The following SHROOM3 variants were observed in gnomAD, a reference collection of about 807,000 sequenced individuals.
The protein encoded by SHROOM3 is protein Shroom3.
A neutral mutation model predicts 138.6 loss-of-function variants in SHROOM3; 47 were observed. That is an observed-to-expected ratio of 0.34 (90% CI 0.27 to 0.43). The LOEUF is 0.43. Ranked by LOEUF, SHROOM3 falls within the 20% of genes least tolerant of loss-of-function variation. The pLI, the probability that SHROOM3 is intolerant of heterozygous loss-of-function variation, is 1.00. For missense variants in SHROOM3, 2,491 were observed against 2,596.5 expected (o/e 0.96, Z 0.88); for synonymous variants, 1,062 against 1,063.3 (o/e 1.00, Z 0.02).
At chr4:76,712,104 T>C (rs1244411033) in intron 3 of SHROOM3, among the ~76,000 whole-genome samples, 7 of 152,184 alleles carry the variant, frequency 4.6e-5, no homozygotes, top group Non-Finnish European at 8.8e-5. Context: ...CAGGGCCCGA[T>C]AGGCTAATCT....
chr4:76,605,334 C>T lies in SHROOM3; in HGVS notation c.323+49571C>T, dbSNP rs1046018708. 2.0e-5 allele frequency among the ~76,000 whole-genome samples: 3 copies of T among 152,170 alleles called. No homozygotes were observed. In the East Asian group the frequency reaches 5.8e-4, roughly 29 times the overall value. ...TGACATACAGCCCGGAAGAGGATTT[C>T]GAGGCACCATTTTATTGCATTCTAG... On this transcript the variant is annotated intron_variant, in intron 2 of 10. Coordinates refer to ENST00000296043, the MANE Select transcript of SHROOM3 (RefSeq NM_020859.4).
intron 2 of SHROOM3, among the ~76,000 whole-genome samples, chr4:76,703,164 T>A (rs1719950760): frequency 6.6e-6 from 1 of 152,062 alleles, no homozygotes; most frequent in South Asian, 2.1e-4. Flanking sequence ...CCTCCTGTAA[T>A]AAAACAAGCT....
At chr4:76,628,666 C>A (rs1477874877) in intron 2 of SHROOM3, among the ~76,000 whole-genome samples, 1 of 152,018 alleles carries the variant, frequency 6.6e-6, no homozygotes, top group Admixed American at 6.5e-5. Flanking sequence ...AAATGTTAAA[C>A]ATAACTATTT....
At chr4:76,531,996 G>A (rs1013836510) in intron 1 of SHROOM3, among the ~76,000 whole-genome samples, 1 of 149,890 alleles carries the variant, frequency 6.7e-6, no homozygotes, top group Non-Finnish European at 1.5e-5. Flanking sequence ...CCATGTTGGT[G>A]TGCTGCACCC....
At chr4:76,546,347 G>A (rs748437871) in intron 1 of SHROOM3, among the ~76,000 whole-genome samples, 1 of 152,134 alleles carries the variant, frequency 6.6e-6, no homozygotes, top group South Asian at 2.1e-4. Context: ...TGAGATGAGA[G>A]GTAGATGGGA....
intron 2 of SHROOM3, among the ~76,000 whole-genome samples, chr4:76,630,597 C>G (rs141719008): frequency 8.5e-5 from 13 of 152,230 alleles, no homozygotes; most frequent in African/African-American, 3.1e-4. Context: ...TTATAGGAAG[C>G]TGGGACATGG....
chr4:76,481,463 G>C (rs1731607940), intron 1 of SHROOM3, among the ~76,000 whole-genome samples: 1 of 151,550 alleles, frequency 6.6e-6, no homozygotes, highest in Middle Eastern at 3.4e-3. Context: ...CCAGTAACAA[G>C]TTCTGAAATT....
intron 2 of SHROOM3, among the ~76,000 whole-genome samples, chr4:76,556,403 CA>C (rs1733485371): frequency 6.6e-6 from 1 of 152,210 alleles, no homozygotes. Context: ...ACATTTTACA[CA>C]TCTTAGCTCA....
At chr4:76,445,144 T>C (rs1430144434) in intron 1 of SHROOM3, among the ~76,000 whole-genome samples, 2 of 151,448 alleles carry the variant, frequency 1.3e-5, no homozygotes, top group East Asian at 3.9e-4. Context: ...TTGTTATAAG[T>C]ATCCAACATA....
chr4:76,539,903 A>G (rs531743001), intron 1 of SHROOM3, among the ~76,000 whole-genome samples: 1 of 152,334 alleles, frequency 6.6e-6, no homozygotes, highest in African/African-American at 2.4e-5. Context: ...GCTGGAGTGC[A>G]GTGGTTCAAT....
chr4:76,607,337 A>G (rs1420231918), intron 2 of SHROOM3, among the ~76,000 whole-genome samples: 1 of 152,172 alleles, frequency 6.6e-6, no homozygotes, highest in East Asian at 1.9e-4. Flanking sequence ...GGAATTTATG[A>G]CCAGTAAGTT....
At chr4:76,707,165 A>G (rs370803716) in intron 2 of SHROOM3, among the ~76,000 whole-genome samples, 2 of 152,316 alleles carry the variant, frequency 1.3e-5, no homozygotes, top group African/African-American at 4.8e-5. Flanking sequence ...ATGTTTAGTT[A>G]ATGGCTCTAC....
intron 1 of SHROOM3, among the ~76,000 whole-genome samples, chr4:76,491,580 G>C (rs1163782691): frequency 2.0e-5 from 3 of 152,156 alleles, no homozygotes; most frequent in Non-Finnish European, 2.9e-5. Context: ...GGTTTCAAAT[G>C]CAAGGATACC....
intron 6 of SHROOM3, among the ~76,000 whole-genome samples, chr4:76,750,286 G>C (rs10028707): frequency 2.0e-5 from 3 of 151,776 alleles, no homozygotes; most frequent in African/African-American, 7.3e-5. Flanking sequence ...AAGACGGGAC[G>C]AAACAACAAA....
chr4:76,625,620 C>T (rs1032414462), intron 2 of SHROOM3, among the ~76,000 whole-genome samples: 1 of 152,156 alleles, frequency 6.6e-6, no homozygotes, highest in Non-Finnish European at 1.5e-5. Context: ...TCATACCTGA[C>T]CACAGCATCC....
At chr4:76,705,431 A>G (rs1337647868) in intron 2 of SHROOM3, among the ~76,000 whole-genome samples, 3 of 152,234 alleles carry the variant, frequency 2.0e-5, no homozygotes, top group Non-Finnish European at 2.9e-5. Flanking sequence ...TGGGAGGTCG[A>G]GGCTGCAGTG....
chr4:76,677,930 T>G (rs1267798027), intron 2 of SHROOM3, among the ~76,000 whole-genome samples: 2 of 152,016 alleles, frequency 1.3e-5, no homozygotes, highest in East Asian at 3.9e-4. Context: ...AATCTGCTTG[T>G]GAAAGTCTAA....
intron 2 of SHROOM3, among the ~76,000 whole-genome samples, chr4:76,700,188 C>G (rs1308130703): frequency 3.3e-5 from 5 of 152,296 alleles, no homozygotes; most frequent in Admixed American, 3.3e-4. Context: ...TTGTCATCAG[C>G]CAGATCTGGA....
At chr4:76,514,142 A>G (rs1288844916) in intron 1 of SHROOM3, among the ~76,000 whole-genome samples, 1 of 152,222 alleles carries the variant, frequency 6.6e-6, no homozygotes, top group African/African-American at 2.4e-5. Flanking sequence ...GACTTACCAT[A>G]TGGCCAGGAA....
Sources: gnomAD v4.1 joint callset for allele counts (sites outside exome capture counted in the v4.1 genomes callset) on GRCh38, gnomAD v4.1.1 for gene constraint, MANE v1.5 for transcripts, NCBI Gene and HGNC (gene_info 2026-07-23, HGNC 2026-07-21) for gene names.